Variants in FBXL20 observed in about 807,000 individuals in gnomAD.
FBXL20 encodes the protein F-box and leucine rich repeat protein 20.
FBXL20 carries 11 observed loss-of-function variants against 64.0 expected under a neutral mutation model. The ratio of observed to expected loss-of-function variants is 0.17; its 90% CI spans 0.11 to 0.28. FBXL20 has a LOEUF of 0.28. Among genes scored for constraint, FBXL20 ranks in the 10% least tolerant of loss-of-function variants. The pLI, the probability that FBXL20 is intolerant of heterozygous loss-of-function variation, is 1.00. For synonymous variants in FBXL20, 184 were observed against 189.0 expected, an observed-to-expected ratio of 0.97 and a Z score of 0.22; for missense variants, 303 against 526.2, an observed-to-expected ratio of 0.58 and a Z score of 4.15.
chr17:39,282,993 T>A, intron 7 of FBXL20, 138 bp from the exon 8 acceptor site: 2 of 930,622 alleles, frequency 2.1e-6, no homozygotes, highest in Non-Finnish European at 3.3e-6. Context: ...ATTTACCTAA[T>A]GTATATTTAG....
intron 1 of FBXL20, among the ~76,000 whole-genome samples, chr17:39,396,684 G>T (rs2144687577): frequency 6.6e-6 from 1 of 151,528 alleles, no homozygotes; most frequent in East Asian, 2.0e-4. Context: ...TGCCGGGCGT[G>T]GTGGCTCACA....
intron 2 of FBXL20, among the ~76,000 whole-genome samples, chr17:39,333,751 C>T (rs2047489276): frequency 1.3e-5 from 2 of 151,746 alleles, no homozygotes; most frequent in South Asian, 2.1e-4. Flanking sequence ...GCGCCTCTGC[C>T]CCGCCGCCCC....
At chr17:39,356,240 TTA>T (rs1049846129) in intron 1 of FBXL20, among the ~76,000 whole-genome samples, 1 of 151,582 alleles carries the variant, frequency 6.6e-6, no homozygotes, top group African/African-American at 2.4e-5. Flanking sequence ...AAAAAAAGTT[TTA>T]TAGTTTTAGC....
chr17:39,296,716 T>C (rs1046644522), intron 6 of FBXL20, among the ~76,000 whole-genome samples: 1 of 152,156 alleles, frequency 6.6e-6, no homozygotes, highest in African/African-American at 2.4e-5. Context: ...GCACATTTAG[T>C]GAATCATTTT....
chr17:39,374,748 T>C (rs2047950735), intron 1 of FBXL20, among the ~76,000 whole-genome samples: 1 of 152,090 alleles, frequency 6.6e-6, no homozygotes, highest in Admixed American at 6.6e-5. Flanking sequence ...TCCAATGAAA[T>C]GGACAGAATT....
chr17:39,303,260 T>A (rs78380981), intron 3 of FBXL20, among the ~76,000 whole-genome samples: 14 of 147,344 alleles, frequency 9.5e-5, no homozygotes, highest in Admixed American at 1.4e-4. Context: ...AAAAAAAAAA[T>A]GAACTAGGAA....
intron 1 of FBXL20, among the ~76,000 whole-genome samples, chr17:39,347,847 C>A (rs544313551): frequency 6.6e-6 from 1 of 152,026 alleles, no homozygotes; most frequent in African/African-American, 2.4e-5. Flanking sequence ...AGTCTTTAAT[C>A]CATCTTGAAT....
chr17:39,396,760 C>T (rs930367341), intron 1 of FBXL20, among the ~76,000 whole-genome samples: 1 of 151,686 alleles, frequency 6.6e-6, no homozygotes. Flanking sequence ...TTGAGACCAT[C>T]CTGGCTAACA....
At position 39,333,995 on chromosome 17, in the gene FBXL20, G is replaced by C. The variant is rs546907162; in HGVS notation, c.104+9185C>G. ...ATACCCAACAGCTCATTGAGAACGG[G>C]CCACGATGACGATGGCAGTTTGGTC... On this transcript the variant is annotated intron_variant, in intron 2 of 14. Transcript: ENST00000264658. Among the ~76,000 whole-genome samples, 3 of 152,318 alleles carry C rather than the reference G, an allele frequency of 2.0e-5. No homozygotes were observed. The South Asian group carries it at 6.2e-4, about 32-fold the overall frequency.
intron 1 of FBXL20, among the ~76,000 whole-genome samples, chr17:39,368,705 G>C (rs2047885887): frequency 6.6e-6 from 1 of 152,122 alleles, no homozygotes; most frequent in Non-Finnish European, 1.5e-5. Flanking sequence ...GCCCAGGCTA[G>C]AGTGCAGTGG....
chr17:39,317,701 G>GTT lies in FBXL20; in HGVS notation c.105-14064_105-14063dup, dbSNP rs1238194174. 3.5e-3 allele frequency among the ~76,000 whole-genome samples: 153 copies of GTT among 44,282 alleles called. 3 individuals are homozygous for GTT. Among genetic ancestry groups the GTT allele is most frequent in the South Asian group, 4.8e-3 (8 of 1,668 alleles). The allele number at this position is 44,282 out of a possible 152,430, so 29.1% of individuals were successfully genotyped here. ...TGTTTTTTTTTTTGTTTTTTTTTTTGTTTTTTTTTTTTTTTTTTGAGACGG... is the reference window on the plus strand; with the variant it reads ...TGTTTTTTTTTTTGTTTTTTTTTTTGTTTTTTTTTTTTTTTTTTTTGAGACGG... On this transcript the variant is annotated intron_variant, in intron 2 of 14. Coordinates refer to ENST00000264658, the MANE Select transcript of FBXL20 (RefSeq NM_032875.3).
chr17:39,317,955 C>T (rs2047313319), intron 2 of FBXL20, among the ~76,000 whole-genome samples: 1 of 152,052 alleles, frequency 6.6e-6, no homozygotes, highest in African/African-American at 2.4e-5. Flanking sequence ...CCCTCCTCGC[C>T]TCCCAAAGTG....
At chr17:39,328,451 G>A (rs2047430251) in intron 2 of FBXL20, among the ~76,000 whole-genome samples, 1 of 152,012 alleles carries the variant, frequency 6.6e-6, no homozygotes, top group African/African-American at 2.4e-5. Flanking sequence ...AAGGACAAAG[G>A]ACACAGTTGG....
intron 9 of FBXL20, among the ~76,000 whole-genome samples, chr17:39,278,738 G>GA (rs1479059141): frequency 0.096 from 5 of 52 alleles, no homozygotes; most frequent in African/African-American, 0.29. Flanking sequence ...TAGTGGAGAT[G>GA]GGTTTCACCA....
intron 3 of FBXL20, among the ~76,000 whole-genome samples, chr17:39,302,112 T>C (rs912463695): frequency 1.4e-4 from 22 of 152,050 alleles, no homozygotes; most frequent in African/African-American, 5.1e-4. Context: ...TCCTTCTATC[T>C]GGAAAAATAT....
intron 1 of FBXL20, among the ~76,000 whole-genome samples, chr17:39,400,648 ACTC>A (rs2048232189): frequency 6.6e-6 from 1 of 152,040 alleles, no homozygotes; most frequent in Admixed American, 6.6e-5. Context: ...AAGACCGTCC[ACTC>A]CTCAATTCCA....
chr17:39,271,597 CAAAAAAAAAAAAAAAAA>C (rs11362087), intron 10 of FBXL20, among the ~76,000 whole-genome samples: 1 of 50,776 alleles, frequency 2.0e-5, no homozygotes, highest in Non-Finnish European at 3.2e-5. Flanking sequence ...GGCTCCGACT[CAAAAAAAAAAAAAAAAA>C]AAAAAAAAAA....
chr17:39,336,988 C>T (rs1239580184), intron 2 of FBXL20, among the ~76,000 whole-genome samples: 1 of 151,940 alleles, frequency 6.6e-6, no homozygotes, highest in Non-Finnish European at 1.5e-5. Context: ...CTCCCTCTCC[C>T]CACGGTCTTC....
chr17:39,369,191 C>G (rs940318105), intron 1 of FBXL20, among the ~76,000 whole-genome samples: 2 of 151,118 alleles, frequency 1.3e-5, no homozygotes, highest in African/African-American at 4.9e-5. Flanking sequence ...ATTTACCAAC[C>G]TTGTGGAGAT....
Sources: allele counts gnomAD v4.1 joint callset (sites outside exome capture counted in the v4.1 genomes callset), GRCh38; gene constraint gnomAD v4.1.1; transcripts MANE v1.5; gene names NCBI Gene and HGNC (gene_info 2026-07-23, HGNC 2026-07-21).